Variants in VWC2 observed in about 807,000 individuals in gnomAD.
VWC2 encodes brorin.
VWC2 carries 14 observed loss-of-function variants against 29.8 expected under a neutral mutation model. The observed-to-expected ratio is 0.47, with a 90% confidence interval of 0.31 to 0.74. The LOEUF is 0.74. Among genes scored for constraint, VWC2 ranks in the 30% least tolerant of loss-of-function variants. The pLI, the probability that VWC2 is intolerant of heterozygous loss-of-function variation, is 0.05. For synonymous variants in VWC2, 213 were observed against 199.0 expected (o/e 1.07, Z -0.59); for missense variants, 457 against 459.8 (o/e 0.99, Z 0.05).
chr7:49,853,567 C>A (rs1790285310), intron 3 of VWC2, among the ~76,000 whole-genome samples: 1 of 151,666 alleles, frequency 6.6e-6, no homozygotes, highest in Non-Finnish European at 1.5e-5. Flanking sequence ...GACTATAAAC[C>A]CTATAATGAG....
rs1375476425 is a variant in VWC2, at chr7:49,776,062, G to T, written c.627G>T (p.Pro209=). The change falls in exon 2 of 4, where the codon CCG becomes CCT. Residue 209 remains proline (P), a synonymous_variant. Transcript: ENST00000340652. The part of the protein sequence containing the change: ...CIHVDTSQCC[P]QCKERKNYCE... ...ACGTCGACACGAGCCAGTGCTGCCC[G>T]CAGTGCAAGGAGAGGAAGAACTACT... 2 of 1,553,966 alleles carry T rather than the reference G, an allele frequency of 1.3e-6. No homozygotes were observed. Among genetic ancestry groups the T allele is most frequent in the South Asian group, 1.2e-5 (1 of 84,738 alleles).
chr7:49,815,372 G>T (rs575001714), intron 3 of VWC2, among the ~76,000 whole-genome samples: 1 of 152,168 alleles, frequency 6.6e-6, no homozygotes, highest in Admixed American at 6.5e-5. Flanking sequence ...TCTCAGGAGT[G>T]AGATTATTAG....
At chr7:49,903,965 A>C (rs1397224775) in intron 3 of VWC2, among the ~76,000 whole-genome samples, 1 of 152,206 alleles carries the variant, frequency 6.6e-6, no homozygotes, top group Non-Finnish European at 1.5e-5. Flanking sequence ...TGGTTGGATC[A>C]GATGTGACAT....
chr7:49,792,478 G>T (rs1203426215), intron 2 of VWC2, among the ~76,000 whole-genome samples: 1 of 152,170 alleles, frequency 6.6e-6, no homozygotes, highest in Non-Finnish European at 1.5e-5. Flanking sequence ...TACCCCAGTG[G>T]GTTCAACAGG....
intron 3 of VWC2, among the ~76,000 whole-genome samples, chr7:49,843,240 C>T (rs1298868873): frequency 6.6e-6 from 1 of 152,134 alleles, no homozygotes; most frequent in Non-Finnish European, 1.5e-5. Context: ...CTGCCATACT[C>T]ATAAAAATCC....
chr7:49,859,983 T>C (rs1790586226), intron 3 of VWC2, among the ~76,000 whole-genome samples: 1 of 151,826 alleles, frequency 6.6e-6, no homozygotes, highest in Non-Finnish European at 1.5e-5. Context: ...TATACTTATA[T>C]TTATATACAT....
intron 2 of VWC2, among the ~76,000 whole-genome samples, chr7:49,777,172 A>C (rs2128700672): frequency 6.6e-6 from 1 of 152,290 alleles, no homozygotes; most frequent in Middle Eastern, 3.4e-3. Flanking sequence ...TAGCCCATTG[A>C]CTTACCAGGC....
rs922541369 is a variant in VWC2, at chr7:49,915,734, T to C, written c.*3549T>C. 3.3e-5 allele frequency: 5 copies of C among 152,230 alleles called. No individual in the cohort carries two copies. Among genetic ancestry groups the C allele is most frequent in the Non-Finnish European group, 7.3e-5 (5 of 68,034 alleles). The allele number at this position is 152,230 out of a possible 1,614,324, so 9.4% of individuals were successfully genotyped here. ...GATTTTAAAAATATTAACAATTTGC[T>C]AAATTTGCTTCAATGGGCAAGAGAT... On this transcript the variant is annotated 3_prime_UTR_variant, in exon 4 of 4. Coordinates refer to ENST00000340652, the MANE Select transcript of VWC2 (RefSeq NM_198570.5).
chr7:49,822,768 A>C (rs1789292153), intron 3 of VWC2, among the ~76,000 whole-genome samples: 2 of 152,130 alleles, frequency 1.3e-5, no homozygotes, highest in African/African-American at 4.8e-5. Flanking sequence ...AGAATCATGG[A>C]GTGTGAGTCT....
intron 2 of VWC2, among the ~76,000 whole-genome samples, chr7:49,799,665 A>C (rs1788689581): frequency 6.6e-6 from 1 of 152,256 alleles, no homozygotes; most frequent in South Asian, 2.1e-4. Flanking sequence ...AAATACAATC[A>C]TGCATCACTA....
chr7:49,833,549 G>A (rs138857931), intron 3 of VWC2, among the ~76,000 whole-genome samples: 3,586 of 152,312 alleles, frequency 0.024, 344 homozygotes, highest in Admixed American at 0.17. Context: ...GTGGTCCAAC[G>A]CATTAGGAAA....
intron 3 of VWC2, among the ~76,000 whole-genome samples, chr7:49,895,915 T>C (rs1177241537): frequency 6.6e-6 from 1 of 152,220 alleles, no homozygotes; most frequent in Non-Finnish European, 1.5e-5. Context: ...TGTATATATG[T>C]ATAAATTTTA....
At chr7:49,780,948 TC>T (rs1303624375) in intron 2 of VWC2, among the ~76,000 whole-genome samples, 1 of 152,228 alleles carries the variant, frequency 6.6e-6, no homozygotes, top group African/African-American at 2.4e-5. Context: ...ATCAAAACCT[TC>T]ATCTAAATAG....
chr7:49,787,363 C>G (rs573087255), intron 2 of VWC2, among the ~76,000 whole-genome samples: 15 of 152,288 alleles, frequency 9.8e-5, no homozygotes, highest in Non-Finnish European at 1.9e-4. Context: ...AAAAAGAGAG[C>G]TCAATATTTT....
intron 3 of VWC2, among the ~76,000 whole-genome samples, chr7:49,907,653 G>A (rs924675896): frequency 1.3e-5 from 2 of 152,168 alleles, no homozygotes; most frequent in African/African-American, 2.4e-5. Flanking sequence ...ATACATTTTA[G>A]GGTAACATAA....
intron 3 of VWC2, among the ~76,000 whole-genome samples, chr7:49,886,479 T>C (rs780987151): frequency 2.6e-5 from 4 of 152,246 alleles, no homozygotes; most frequent in Non-Finnish European, 5.9e-5. Context: ...ATTGGTATGC[T>C]CTTTTCCATT....
At chr7:49,910,550 T>C (rs1007323996) in intron 3 of VWC2, among the ~76,000 whole-genome samples, 3 of 151,968 alleles carry the variant, frequency 2.0e-5, no homozygotes, top group African/African-American at 7.3e-5. Flanking sequence ...GAGCAGTTGC[T>C]CATAGCTGAA....
chr7:49,805,597 T>G (rs571393584), intron 3 of VWC2, among the ~76,000 whole-genome samples: 107 of 152,276 alleles, frequency 7.0e-4, no homozygotes, highest in African/African-American at 2.6e-3. Flanking sequence ...ATGAAAACAG[T>G]TTCTATGAAA....
chr7:49,805,200 T>C (rs900648), intron 3 of VWC2, among the ~76,000 whole-genome samples: 16,762 of 152,226 alleles, frequency 0.11, 988 homozygotes, highest in African/African-American at 0.13. Context: ...TTTTGGGAGA[T>C]GGTTGTTGTC....
Sources: allele counts gnomAD v4.1 joint callset (sites outside exome capture counted in the v4.1 genomes callset), GRCh38; gene constraint gnomAD v4.1.1; transcripts MANE v1.5; gene names NCBI Gene and HGNC (gene_info 2026-07-23, HGNC 2026-07-21).